TMEM132B: variants seen among roughly 807,000 people sequenced by gnomAD.
The protein encoded by TMEM132B is transmembrane protein 132B.
TMEM132B carries 18 observed loss-of-function variants against 90.8 expected under a neutral mutation model. The observed-to-expected ratio is 0.20, with a 90% CI of 0.14 to 0.29. The LOEUF (loss-of-function observed/expected upper bound fraction) is 0.29, where lower values mean the gene tolerates loss of function less well. Among genes scored for constraint, TMEM132B ranks in the 10% least tolerant of loss-of-function variants. TMEM132B has a pLI of 1.00. For synonymous variants in TMEM132B, 504 were observed against 523.3 expected, an observed-to-expected ratio of 0.96 and a Z score of 0.50; for missense variants, 1,096 against 1,326.8, an observed-to-expected ratio of 0.83 and a Z score of 2.70.
At chr12:125,207,824 T>A (rs1593041604) in intron 1 of TMEM132B, among the ~76,000 whole-genome samples, 1 of 152,248 alleles carries the variant, frequency 6.6e-6, no homozygotes, top group East Asian at 1.9e-4. Flanking sequence ...GTATTTGTCC[T>A]TTTGTGACGA....
intron 2 of TMEM132B, among the ~76,000 whole-genome samples, chr12:125,401,032 G>A (rs1461850294): frequency 6.6e-6 from 1 of 152,130 alleles, no homozygotes; most frequent in Admixed American, 6.5e-5. Context: ...CATGACAAGT[G>A]GCACAGGTGA....
At chr12:125,256,463 C>T (rs778074192) in intron 1 of TMEM132B, among the ~76,000 whole-genome samples, 6 of 152,274 alleles carry the variant, frequency 3.9e-5, no homozygotes, top group Non-Finnish European at 8.8e-5. Flanking sequence ...TGGGTCAAAT[C>T]CGGTCCCCAG....
At chr12:125,319,311 A>G (rs1876367241) in intron 1 of TMEM132B, among the ~76,000 whole-genome samples, 2 of 152,208 alleles carry the variant, frequency 1.3e-5, no homozygotes. Context: ...CAGTCATTCC[A>G]TCCACACAGT....
At chr12:125,351,191 A>G (rs1486470861) in intron 2 of TMEM132B, among the ~76,000 whole-genome samples, 1 of 152,236 alleles carries the variant, frequency 6.6e-6, no homozygotes, top group African/African-American at 2.4e-5. Flanking sequence ...CTCTCTGGTG[A>G]TGTCTCAACT....
chr12:125,648,296 T>C (rs1886818967), intron 6 of TMEM132B, among the ~76,000 whole-genome samples: 1 of 152,034 alleles, frequency 6.6e-6, no homozygotes, highest in Non-Finnish European at 1.5e-5. Flanking sequence ...CTTAATCCAG[T>C]CTATCATTGT....
At chr12:125,611,529 G>A (rs546107392) in intron 5 of TMEM132B, among the ~76,000 whole-genome samples, 76 of 151,958 alleles carry the variant, frequency 5.0e-4, no homozygotes, top group African/African-American at 1.7e-3. Context: ...TTTTATATAA[G>A]CATTAACTAC....
chr12:125,309,294 C>T (rs1876068195), intron 1 of TMEM132B, among the ~76,000 whole-genome samples: 1 of 152,192 alleles, frequency 6.6e-6, no homozygotes, highest in South Asian at 2.1e-4. Flanking sequence ...ACTTTATCTG[C>T]CTTCCTCTAC....
intron 4 of TMEM132B, among the ~76,000 whole-genome samples, chr12:125,530,301 CCT>C (rs1033208877): frequency 5.4e-5 from 8 of 149,242 alleles, no homozygotes; most frequent in African/African-American, 4.9e-5. Flanking sequence ...TTTCTTTTCT[CCT>C]CTCTCTCTCT....
At chr12:125,210,969 G>A (rs971541023) in intron 1 of TMEM132B, among the ~76,000 whole-genome samples, 1 of 151,964 alleles carries the variant, frequency 6.6e-6, no homozygotes, top group South Asian at 2.1e-4. Context: ...TCTCAAAAGA[G>A]AAAGTACAGG....
At chr12:125,307,061 C>G (rs1875990171) in intron 1 of TMEM132B, among the ~76,000 whole-genome samples, 1 of 152,184 alleles carries the variant, frequency 6.6e-6, no homozygotes, top group Non-Finnish European at 1.5e-5. Context: ...TGATGGTGGC[C>G]CTTGGCCTGA....
At chr12:125,199,171 T>C (rs898925969) in intron 1 of TMEM132B, among the ~76,000 whole-genome samples, 1 of 152,214 alleles carries the variant, frequency 6.6e-6, no homozygotes, top group Admixed American at 6.5e-5. Flanking sequence ...AACTGGCACA[T>C]ACACGGCATC....
rs145106418 is a variant in TMEM132B, at chr12:125,396,199, A to G, written c.960-19332A>G. Among the ~76,000 whole-genome samples, 799 of 152,246 alleles carry G rather than the reference A, an allele frequency of 5.2e-3. 8 individuals carry two copies. Among genetic ancestry groups the G allele is most frequent in the African/African-American group, 0.018 (758 of 41,536 alleles). On this transcript the variant is annotated intron_variant, in intron 2 of 8. Coordinates refer to ENST00000682704, the MANE Select transcript of TMEM132B (RefSeq NM_001366854.1). ...GCTGGATGCTGGGCAGTTTCCATTA[A>G]TCTTTCTGGTCTTATGTGTGTGGGA...
At chr12:125,486,581 G>T (rs1882211358) in intron 3 of TMEM132B, among the ~76,000 whole-genome samples, 1 of 152,178 alleles carries the variant, frequency 6.6e-6, no homozygotes, top group Non-Finnish European at 1.5e-5. Flanking sequence ...AAAGCTTTGA[G>T]AATTTATATT....
intron 1 of TMEM132B, among the ~76,000 whole-genome samples, chr12:125,298,349 T>G (rs1411048766): frequency 7.2e-6 from 1 of 139,602 alleles, no homozygotes; most frequent in Non-Finnish European, 1.5e-5. Flanking sequence ...TGCCAGTTTC[T>G]CTACTCCATT....
chr12:125,189,675 T>C (rs1415315989), intron 1 of TMEM132B, among the ~76,000 whole-genome samples: 1 of 152,016 alleles, frequency 6.6e-6, no homozygotes, highest in Non-Finnish European at 1.5e-5. Context: ...TCCCCTCTCC[T>C]CCCACCGGAT....
intron 3 of TMEM132B, among the ~76,000 whole-genome samples, chr12:125,501,634 A>C (rs1847334786): frequency 6.6e-6 from 1 of 151,844 alleles, no homozygotes; most frequent in South Asian, 2.1e-4. Context: ...GACATCTCAT[A>C]TTTTTATTTG....
At chr12:125,450,988 T>A (rs144070089) in intron 3 of TMEM132B, among the ~76,000 whole-genome samples, 10 of 152,196 alleles carry the variant, frequency 6.6e-5, no homozygotes, top group African/African-American at 2.2e-4. Flanking sequence ...AGTGAGGGTG[T>A]GTATGTGTGT....
At chr12:125,434,803 C>A (rs143766379) in intron 3 of TMEM132B, among the ~76,000 whole-genome samples, 181 of 151,916 alleles carry the variant, frequency 1.2e-3, no homozygotes, top group Middle Eastern at 6.8e-3. Flanking sequence ...TTCCCTGCAC[C>A]GAATTCCTTT....
At chr12:125,599,165 A>G (rs1473415309) in intron 5 of TMEM132B, among the ~76,000 whole-genome samples, 3 of 152,050 alleles carry the variant, frequency 2.0e-5, no homozygotes, top group African/African-American at 4.8e-5. Flanking sequence ...GGTTTTTCCC[A>G]TGCTCTTCTG....
Sources: gnomAD v4.1 joint callset for allele counts (sites outside exome capture counted in the v4.1 genomes callset) on GRCh38, gnomAD v4.1.1 for gene constraint, MANE v1.5 for transcripts, NCBI Gene and HGNC (gene_info 2026-07-23, HGNC 2026-07-21) for gene names.